Variants in ESYT2 observed in about 807,000 individuals in gnomAD.
The protein encoded by ESYT2 is extended synaptotagmin 2, also known as extended synaptotagmin-2.
In ESYT2, 54 loss-of-function variants were observed where a neutral mutation model predicts 107.2. The ratio of observed to expected loss-of-function variants is 0.50; its 90% CI spans 0.40 to 0.63. The LOEUF (loss-of-function observed/expected upper bound fraction) is 0.63, where lower values mean the gene tolerates loss of function less well. ESYT2 is among the 30% of genes least tolerant of loss of function. ESYT2 has a pLI of 0.00. For missense variants in ESYT2, 1,020 were observed against 1,094.5 expected, an observed-to-expected ratio of 0.93 and a Z score of 0.96; for synonymous variants, 491 against 434.1, an observed-to-expected ratio of 1.13 and a Z score of -1.63.
chr7:158,815,546 C>G (rs546703630), intron 1 of ESYT2, among the ~76,000 whole-genome samples: 33 of 152,262 alleles, frequency 2.2e-4, no homozygotes, highest in Non-Finnish European at 3.8e-4. Flanking sequence ...GCTAAACCCC[C>G]CTTTTAAATT....
chr7:158,780,535 T>G (rs1164787387), intron 6 of ESYT2, among the ~76,000 whole-genome samples: 1 of 152,206 alleles, frequency 6.6e-6, no homozygotes, highest in Non-Finnish European at 1.5e-5. Flanking sequence ...AAACATTACT[T>G]TGTCTAAAAC....
chr7:158,814,271 C>T lies in ESYT2; in HGVS notation c.330+14818G>A, dbSNP rs536778005. Among the ~76,000 whole-genome samples, 6 of 125,784 alleles carry T rather than the reference C, an allele frequency of 4.8e-5. No individual in the cohort carries two copies. The South Asian group carries it at 1.5e-3, about 32-fold the overall frequency. The allele number at this position is 125,784 out of a possible 152,430, so 82.5% of individuals were successfully genotyped here. The stretch of plus-strand genomic sequence containing the variant: ...CCTGGGCGACAGAGCGAGACTCCGT[C>T]TCAAAAAAAAAAAAATTATATATAT... On this transcript the variant is annotated intron_variant, in intron 1 of 22. Transcript: ENST00000275418.
At chr7:158,761,159 T>C (rs1383134953) in intron 11 of ESYT2, among the ~76,000 whole-genome samples, 3 of 152,064 alleles carry the variant, frequency 2.0e-5, no homozygotes, top group Admixed American at 2.0e-4. Context: ...CCTGAAAATC[T>C]CCATCACTAG....
rs1322913233 is a variant in ESYT2, at chr7:158,735,597, C to G, written c.2411G>C (p.Ser804Thr). ...NPVFDQSFDF[S>T]VSLPEVQRRT... ...CCTCTGCACTTCTGGTAACGAAACACTGAAATCAAAGCTGAAATAGGAAAC... is the reference window on the plus strand; with the variant it reads ...CCTCTGCACTTCTGGTAACGAAACAGTGAAATCAAAGCTGAAATAGGAAAC... The change falls in exon 21 of 23, where the codon AGT becomes ACT. Residue 804 changes from serine (S) to threonine (T), a missense_variant. Physicochemically the swap from Ser to Thr is moderately conservative, Grantham distance 58 (BLOSUM62 1). Coordinates refer to ENST00000275418, the MANE Select transcript of ESYT2 (RefSeq NM_001367773.1). 3 of 1,613,598 alleles carry G rather than the reference C, an allele frequency of 1.9e-6. No individual in the cohort carries two copies. Among genetic ancestry groups the G allele is most frequent in the Non-Finnish European group, 2.5e-6 (3 of 1,179,680 alleles).
At chr7:158,827,119 C>T (rs1584895074) in intron 1 of ESYT2, among the ~76,000 whole-genome samples, 1 of 149,158 alleles carries the variant, frequency 6.7e-6, no homozygotes, top group Non-Finnish European at 1.5e-5. Flanking sequence ...GCCGAGATCA[C>T]GCCATTGCAC....
intron 6 of ESYT2, among the ~76,000 whole-genome samples, chr7:158,787,451 G>C (rs1375991428): frequency 6.6e-6 from 1 of 152,200 alleles, no homozygotes; most frequent in African/African-American, 2.4e-5. Flanking sequence ...CACCCCAAAA[G>C]AGGAAGGAGA....
chr7:158,823,294 CAAA>C (rs1173735798), intron 1 of ESYT2, among the ~76,000 whole-genome samples: 67 of 29,802 alleles, frequency 2.2e-3, no homozygotes, highest in Non-Finnish European at 4.5e-3. Context: ...GACTCTGTCT[CAAA>C]AAAAAAAAAA....
chr7:158,740,105 T>G (rs765424811), intron 18 of ESYT2, among the ~76,000 whole-genome samples: 14 of 152,188 alleles, frequency 9.2e-5, no homozygotes, highest in Non-Finnish European at 1.6e-4. Context: ...CGGCGCTAAC[T>G]GCAGCTTTGA....
intron 1 of ESYT2, among the ~76,000 whole-genome samples, chr7:158,813,985 G>C (rs74878950): frequency 6.7e-6 from 1 of 150,112 alleles, no homozygotes; most frequent in Non-Finnish European, 1.5e-5. Context: ...AAAAATATAT[G>C]TTACTCAGGC....
intron 1 of ESYT2, among the ~76,000 whole-genome samples, chr7:158,815,939 A>T (rs1466003454): frequency 1.3e-5 from 2 of 152,162 alleles, no homozygotes; most frequent in African/African-American, 4.8e-5. Flanking sequence ...CTGGCTCCTG[A>T]ATACTCCAAG....
At chr7:158,753,367 C>G (rs1232374248) in intron 13 of ESYT2, among the ~76,000 whole-genome samples, 1 of 152,164 alleles carries the variant, frequency 6.6e-6, no homozygotes, top group Non-Finnish European at 1.5e-5. Context: ...GGGTAGGAGT[C>G]AGGCTGGCTG....
At chr7:158,826,947 A>T (rs1840470077) in intron 1 of ESYT2, among the ~76,000 whole-genome samples, 1 of 150,030 alleles carries the variant, frequency 6.7e-6, no homozygotes, top group Admixed American at 6.6e-5. Flanking sequence ...GGCGGAACAC[A>T]AGGTCAGGAG....
At chr7:158,763,907 T>C (rs755196348) in intron 9 of ESYT2, among the ~76,000 whole-genome samples, 8 of 152,096 alleles carry the variant, frequency 5.3e-5, no homozygotes, top group Non-Finnish European at 1.0e-4. Flanking sequence ...GGTAAGAAAC[T>C]GGCAAGAGAC....
chr7:158,805,354 A>G (rs1034040996), intron 1 of ESYT2, among the ~76,000 whole-genome samples: 3 of 152,234 alleles, frequency 2.0e-5, no homozygotes, highest in Non-Finnish European at 2.9e-5. Flanking sequence ...TTTTTCAAAG[A>G]TATTAGGATG....
At position 158,759,589 on chromosome 7, in the gene ESYT2, GA is replaced by G. The variant is rs1386010109; in HGVS notation, c.1324-9del. 6.2e-7 allele frequency: 1 copy of G among 1,601,666 alleles called. No individual in the cohort carries two copies. Among genetic ancestry groups the G allele is most frequent in the Non-Finnish European group, 8.5e-7 (1 of 1,171,100 alleles). On this transcript the variant is annotated splice_polypyrimidine_tract_variant and intron_variant, in intron 12 of 22. Transcript: ENST00000275418. ...TTTGATGTCTGTTAGCACCTAAAAG[GA>G]AAGGAAAAAGCCCTTAGCAGCCATG...
rs753357677 is a variant in ESYT2 at position 158,752,822 on chromosome 7, G to A, written c.1441C>T (p.Pro481Ser). ...NLPSNPLEFN[P>S]DVLKKTAVQR... Reference sequence around the variant, plus strand: ...ACTGCAGTCTTCTTCAAGACATCGGGGTTAAATTCTAATGGGTTACTCTTT... The same window carrying A: ...ACTGCAGTCTTCTTCAAGACATCGGAGTTAAATTCTAATGGGTTACTCTTT... The change falls in exon 14 of 23, where the codon CCC becomes TCC. Residue 481 changes from proline to serine, a missense_variant. Transcript: ENST00000275418. 6.1e-6 allele frequency: 8 copies of A among 1,303,996 alleles called. No homozygotes were observed. The South Asian group carries it at 9.9e-5, about 16-fold the overall frequency. 80.8% of individuals were successfully genotyped at this position (1,303,996 alleles called of 1,614,324 possible).
chr7:158,796,844 A>G (rs1179898224), intron 3 of ESYT2, among the ~76,000 whole-genome samples: 1 of 151,820 alleles, frequency 6.6e-6, no homozygotes, highest in African/African-American at 2.4e-5. Context: ...GGGCAACAAG[A>G]CAGCCTCCCA....
intron 1 of ESYT2, among the ~76,000 whole-genome samples, chr7:158,805,387 AC>A (rs1839794100): frequency 6.6e-6 from 1 of 152,246 alleles, no homozygotes; most frequent in Admixed American, 6.5e-5. Context: ...AGTTGCTTCT[AC>A]AAAGAAAGTA....
intron 1 of ESYT2, among the ~76,000 whole-genome samples, chr7:158,813,137 A>G (rs2129474017): frequency 6.6e-6 from 1 of 152,360 alleles, no homozygotes; most frequent in Middle Eastern, 3.4e-3. Context: ...ACACAGAAGA[A>G]CCTAAAATGC....
Sources: gnomAD v4.1 joint callset for allele counts (sites outside exome capture counted in the v4.1 genomes callset) on GRCh38, gnomAD v4.1.1 for gene constraint, MANE v1.5 for transcripts, NCBI Gene and HGNC (gene_info 2026-07-23, HGNC 2026-07-21) for gene names.